PROX1: variants seen among roughly 807,000 people sequenced by gnomAD.
PROX1 encodes the protein prospero homeobox protein 1.
Under a neutral mutation model 58.8 loss-of-function variants are expected in PROX1, and 7 were observed. That is an observed-to-expected ratio of 0.12 (90% CI 0.07 to 0.22). The LOEUF is 0.22. PROX1 is among the 10% of genes least tolerant of loss of function. The probability of loss-of-function intolerance (pLI) is 1.00; values close to 1 mark genes in which losing one functional copy is unlikely to be tolerated. For synonymous variants in PROX1, 350 were observed against 358.3 expected (o/e 0.98, Z 0.26); for missense variants, 675 against 927.8 (o/e 0.73, Z 3.54).
At chr1:213,984,981 TCAAGG>T (rs751942877), upstream of PROX1, 4 of 152,234 alleles carry the variant, frequency 2.6e-5, no homozygotes, top group Non-Finnish European at 5.9e-5. Flanking sequence ...CGAGCAAATG[TCAAGG>T]CGAAGTGTAT....
At chr1:213,991,963 A>G (rs981001736) in intron 1 of PROX1, among the ~76,000 whole-genome samples, 8 of 152,226 alleles carry the variant, frequency 5.3e-5, no homozygotes, top group African/African-American at 1.9e-4. Context: ...GGAACCATAT[A>G]CATAAGGAAT....
At chr1:214,011,235 T>C (rs139895294) in intron 3 of PROX1, among the ~76,000 whole-genome samples, 1 of 152,158 alleles carries the variant, frequency 6.6e-6, no homozygotes, top group East Asian at 1.9e-4. Context: ...TGAAGAACAA[T>C]GGTTAAAAAT....
In PROX1 at chr1:214,035,871, G is replaced by A; in HGVS notation, c.*37G>A. On this transcript the variant is annotated 3_prime_UTR_variant, in exon 5 of 5. Transcript: ENST00000366958. ...ACTCTTTTTGAATGTATGAAGAGTA[G>A]CAGTCCCCTTTGGATGTCCAAGTTA... 1 of 1,567,532 alleles carries A rather than the reference G, an allele frequency of 6.4e-7. No homozygotes were observed. The highest frequency in any genetic ancestry group is 8.7e-7 in the Non-Finnish European group (1 of 1,151,728).
At chr1:214,035,601 C>T in intron 4 of PROX1, 48 bp from the exon 5 acceptor site, 1 of 1,551,754 alleles carries the variant, frequency 6.4e-7, no homozygotes, top group Non-Finnish European at 8.7e-7. Flanking sequence ...TAACTGTAGA[C>T]TTGAAACTGA....
intron 2 of PROX1, among the ~76,000 whole-genome samples, chr1:214,004,600 G>T (rs1663640437): frequency 6.6e-6 from 1 of 152,116 alleles, no homozygotes. Flanking sequence ...CAATTAAAAG[G>T]ATATAATAAG....
Position 214,041,493 on chromosome 1 carries a change from C to A in PROX1, c.*5659C>A, listed in dbSNP as rs1335040806. 1.3e-5 allele frequency: 2 copies of A among 149,046 alleles called. No homozygotes were observed. Among genetic ancestry groups the A allele is most frequent in the African/African-American group, 4.9e-5 (2 of 40,406 alleles). 9.2% of individuals were successfully genotyped at this position (149,046 alleles called of 1,614,324 possible). A position where few individuals can be genotyped will look rare whatever the true frequency, so the allele number is the denominator to read the frequency against. ...TCTTTCAGGCTTAACTTTATTTAGC[C>A]CTGAAACTTAAAAAAAAAAAAAAAA... is the stretch of plus-strand genomic sequence containing the variant. On this transcript the variant is annotated 3_prime_UTR_variant, in exon 5 of 5. Transcript: ENST00000366958.
In PROX1 at chr1:213,997,727, G is replaced by A. The variant is rs1663328234; in HGVS notation, c.1192G>A (p.Glu398Lys). The A allele has an allele frequency of 6.2e-7, 1 of 1,614,100 alleles. No homozygotes were observed. Among genetic ancestry groups the A allele is most frequent in the East Asian group, 2.2e-5 (1 of 44,874 alleles). Residue 398 changes from glutamate to lysine, a missense_variant, in exon 2 of 5, where the codon GAA (glutamate) becomes AAA (lysine). Around this residue, in one of 8 missense-constraint regions of PROX1, gnomAD observed 403 missense variants for 477.4 expected, o/e 0.84. Coordinates refer to ENST00000366958, the MANE Select transcript of PROX1 (RefSeq NM_001270616.2). The surrounding 1 kb of genome is among the most constrained non-coding windows in gnomAD (Gnocchi z 7.1). Reference protein sequence around the residue: ...IPQARFAVNGENHNFHTANQR... With the variant: ...IPQARFAVNGKNHNFHTANQR... ...CCAGGCCAGATTTGCAGTCAATGGG[G>A]AAAACCACAATTTCCACACCGCCAA... is the stretch of plus-strand genomic sequence containing the variant.
chr1:214,033,590 T>G (rs1054944779), intron 4 of PROX1, among the ~76,000 whole-genome samples: 2 of 152,102 alleles, frequency 1.3e-5, no homozygotes, highest in African/African-American at 4.8e-5. Flanking sequence ...AGAGCAAAAC[T>G]CCATCTCAAA....
intron 4 of PROX1, among the ~76,000 whole-genome samples, chr1:214,028,092 A>C (rs1345398819): frequency 1.3e-5 from 2 of 152,172 alleles, no homozygotes; most frequent in South Asian, 4.1e-4. Context: ...TGAAAGCTGA[A>C]TGCCACCTGG....
rs773414088 is a variant in PROX1 at position 213,997,818 on chromosome 1, A to G, written c.1283A>G (p.Gln428Arg). ...CCCCTGGACACCTTTGGCAATGTGC[A>G]GATGGCCAGTTCCACTGACCAGACA... Reference protein sequence around the residue: ...PNPLDTFGNVQMASSTDQTEA... With the variant: ...PNPLDTFGNVRMASSTDQTEA... Residue 428 changes from glutamine to arginine, a missense_variant, in exon 2 of 5, where the codon CAG (glutamine) becomes CGG (arginine). Gln to Arg is a conservative substitution (Grantham distance 43). Transcript: ENST00000366958. This position sits in a 1 kb window ranked among gnomAD's most constrained non-coding sequence, Gnocchi z 7.1. 6.2e-7 allele frequency: 1 copy of G among 1,614,246 alleles called. No homozygotes were observed. The highest frequency in any genetic ancestry group is 1.7e-5 in the Admixed American group (1 of 60,028).
intron 4 of PROX1, chr1:214,030,892 G>C (rs1664625453): frequency 6.6e-6 from 1 of 152,456 alleles, no homozygotes; most frequent in Non-Finnish European, 1.5e-5. Flanking sequence ...GCAGAGGCTA[G>C]GGACAGTCAG....
chr1:213,999,645 G>T (rs186344771), intron 2 of PROX1, among the ~76,000 whole-genome samples: 1 of 152,268 alleles, frequency 6.6e-6, no homozygotes, highest in African/African-American at 2.4e-5. Flanking sequence ...GAAGAACATT[G>T]TAACAGAAAG....
intron 4 of PROX1, among the ~76,000 whole-genome samples, chr1:214,034,162 AC>A (rs1664753609): frequency 6.6e-6 from 1 of 152,200 alleles, no homozygotes; most frequent in East Asian, 1.9e-4. Context: ...GCCATAGGGA[AC>A]AATGAACTTC....
rs1233826503 is a variant in PROX1 at position 213,996,918 on chromosome 1, T to C, written c.383T>C (p.Ile128Thr). Residue 128 changes from isoleucine to threonine, a missense_variant, in exon 2 of 5, where the codon ATA (isoleucine) becomes ACA (threonine). Ile to Thr is a moderately conservative substitution (Grantham distance 89). This residue lies in a region of PROX1 where 157 missense variants were observed against 197.8 expected (regional missense o/e 0.79). Coordinates refer to ENST00000366958, the MANE Select transcript of PROX1 (RefSeq NM_001270616.2). ...GGCTCCGAAGTACATCAGGAGGATA[T>C]ATGCAGCAACTCTTCAAGAGACAGC... ...STGSEVHQED[I>T]CSNSSRDSPP... 6.2e-7 allele frequency: 1 copy of C among 1,614,048 alleles called. No homozygotes were observed. The highest frequency in any genetic ancestry group is 8.5e-7 in the Non-Finnish European group (1 of 1,180,010).
chr1:214,012,940 C>T (rs892717430), intron 4 of PROX1, among the ~76,000 whole-genome samples: 25 of 152,128 alleles, frequency 1.6e-4, no homozygotes, highest in African/African-American at 5.5e-4. Flanking sequence ...TCCTTTTTTT[C>T]GGCTCTTGTC....
rs1344908658 is a variant in PROX1, at chr1:214,039,329, C to T, written c.*3495C>T. The T allele has an allele frequency of 6.6e-6, 1 of 152,006 alleles. No individual in the cohort carries two copies. Among genetic ancestry groups the T allele is most frequent in the Non-Finnish European group, 1.5e-5 (1 of 68,006 alleles). 9.4% of individuals were successfully genotyped at this position (152,006 alleles called of 1,614,324 possible). A position where few individuals can be genotyped will look rare whatever the true frequency, so the allele number is the denominator to read the frequency against. On this transcript the variant is annotated 3_prime_UTR_variant, in exon 5 of 5. Transcript: ENST00000366958. ...GTAATTATTTAAGTAAACGTTCACC[C>T]ACATATTCCTGAAGTTTGCTTTGTG...
At chr1:214,035,208 A>G (rs1046017927) in intron 4 of PROX1, among the ~76,000 whole-genome samples, 2 of 152,224 alleles carry the variant, frequency 1.3e-5, no homozygotes, top group African/African-American at 2.4e-5. Context: ...GGTTTAATTT[A>G]TAAAGAAGCC....
chr1:213,984,677 C>T (rs1049501605), upstream of PROX1: 5 of 153,016 alleles, frequency 3.3e-5, no homozygotes, highest in African/African-American at 4.8e-5. Context: ...GGCCTGCACC[C>T]TGGGGTTGGT....
At chr1:213,998,812 T>C (rs1294570614) in intron 2 of PROX1, among the ~76,000 whole-genome samples, 2 of 151,746 alleles carry the variant, frequency 1.3e-5, no homozygotes, top group Non-Finnish European at 2.9e-5. Context: ...AAGTGGGAGG[T>C]TGAGGAGGAA....
Sources: gnomAD v4.1 joint callset for allele counts (sites outside exome capture counted in the v4.1 genomes callset) on GRCh38, gnomAD v4.1.1 for gene constraint, gnomAD v4.1.1 regional missense constraint, Gnocchi (gnomAD v3.1) non-coding constraint, MANE v1.5 for transcripts, NCBI Gene and HGNC (gene_info 2026-07-23, HGNC 2026-07-21) for gene names.